KIAA1549: variants seen among roughly 807,000 people sequenced by gnomAD.
KIAA1549 encodes the protein UPF0606 protein KIAA1549.
A neutral mutation model predicts 156.4 loss-of-function variants in KIAA1549; 70 were observed. The observed-to-expected ratio is 0.45, with a 90% CI of 0.37 to 0.55. KIAA1549 has a LOEUF of 0.55. KIAA1549 is among the 20% of genes least tolerant of loss of function. KIAA1549 has a pLI of 0.00. For synonymous variants in KIAA1549, 1,103 were observed against 1,066.4 expected, an observed-to-expected ratio of 1.03 and a Z score of -0.67; for missense variants, 2,428 against 2,540.9, an observed-to-expected ratio of 0.96 and a Z score of 0.96.
chr7:138,946,683 G>A (rs1813346856), intron 1 of KIAA1549, among the ~76,000 whole-genome samples: 1 of 152,172 alleles, frequency 6.6e-6, no homozygotes, highest in Non-Finnish European at 1.5e-5. Flanking sequence ...GGAAGCTGAG[G>A]TGGGAGGATC....
At position 138,912,386 on chromosome 7, in the gene KIAA1549, C is replaced by T; in HGVS notation, c.2953G>A (p.Ala985Thr). The change falls in exon 3 of 20, where the codon GCA (alanine) becomes ACA (threonine). Residue 985 changes from alanine to threonine, a missense_variant. Ala to Thr is a moderately conservative substitution (Grantham distance 58). Around this residue, in one of 5 missense-constraint regions of KIAA1549, gnomAD observed 762 missense variants for 901.6 expected, o/e 0.85. Transcript: ENST00000422774. ...CCAGGACTCACCTTCAGTTCCACTG[C>T]ACGGTTGAAGTGAATCCTCAGTACT... ...KEVLRIHFNR[A>T]VELKVYELFT... 6.2e-7 allele frequency: 1 copy of T among 1,613,794 alleles called. No individual in the cohort carries two copies.
chr7:138,941,614 A>G (rs576412523), intron 1 of KIAA1549, among the ~76,000 whole-genome samples: 4 of 152,228 alleles, frequency 2.6e-5, no homozygotes, highest in Non-Finnish European at 5.9e-5. Flanking sequence ...GCGACAGAAG[A>G]ATCCTCCTCC....
At chr7:138,858,496 G>A (rs1209627029) in intron 16 of KIAA1549, among the ~76,000 whole-genome samples, 1 of 152,082 alleles carries the variant, frequency 6.6e-6, no homozygotes, top group Non-Finnish European at 1.5e-5. Flanking sequence ...ATTGAATGCT[G>A]CATATTTTTG....
At chr7:138,877,610 T>A (rs1349714924) in intron 12 of KIAA1549, among the ~76,000 whole-genome samples, 1 of 152,236 alleles carries the variant, frequency 6.6e-6, no homozygotes, top group Non-Finnish European at 1.5e-5. Context: ...CACAGCAGCA[T>A]TAAAGCTATC....
chr7:138,906,891 C>G lies in KIAA1549; in HGVS notation c.3460+28G>C. On this transcript the variant is annotated intron_variant, in intron 6 of 19. Coordinates refer to ENST00000422774, the MANE Select transcript of KIAA1549 (RefSeq NM_001164665.2). ...ACCAAAAATGCCCGCCATCACCTCC[C>G]CAGCATGTCCAAGAGGGCTGTACTC... is the stretch of plus-strand genomic sequence containing the variant. 3 of 1,416,578 alleles carry G rather than the reference C, an allele frequency of 2.1e-6. 1 individual carries two copies. The highest frequency in any genetic ancestry group is 2.8e-6 in the Non-Finnish European group (3 of 1,076,742). 87.8% of individuals were successfully genotyped at this position (1,416,578 alleles called of 1,614,324 possible). A position where few individuals can be genotyped will look rare whatever the true frequency, so the allele number is the denominator to read the frequency against.
chr7:138,966,498 C>T lies in KIAA1549; in HGVS notation c.187+14585G>A, dbSNP rs546927213. 8.5e-5 allele frequency among the ~76,000 whole-genome samples: 13 copies of T among 152,118 alleles called. No homozygotes were observed. The South Asian group carries it at 1.5e-3, about 17-fold the overall frequency. Reference sequence around the variant, plus strand: ...AAGCTGAGGAGTAAGGAAGCCAGTCCGAGTCCCAAATCTGAAGAACCTGAA... The same window carrying T: ...AAGCTGAGGAGTAAGGAAGCCAGTCTGAGTCCCAAATCTGAAGAACCTGAA... On this transcript the variant is annotated intron_variant, in intron 1 of 19. Transcript: ENST00000422774.
rs959707930 is a variant in KIAA1549, at chr7:138,912,393, G to A, written c.2946C>T (p.Phe982=). 3.7e-6 allele frequency: 6 copies of A among 1,613,648 alleles called. No homozygotes were observed. Among genetic ancestry groups the A allele is most frequent in the Non-Finnish European group, 5.1e-6 (6 of 1,179,710 alleles). The change falls in exon 3 of 20, where the codon TTC becomes TTT. Residue 982 remains phenylalanine (F), a synonymous_variant. Transcript: ENST00000422774. The stretch of plus-strand genomic sequence containing the variant: ...TCACCTTCAGTTCCACTGCACGGTT[G>A]AAGTGAATCCTCAGTACTTCTTTGA... ...TAIKEVLRIH[F]NRAVELKVYE...
intron 8 of KIAA1549, among the ~76,000 whole-genome samples, chr7:138,902,386 A>G (rs1055328624): frequency 2.0e-5 from 3 of 152,134 alleles, no homozygotes; most frequent in Non-Finnish European, 2.9e-5. Context: ...CTGCCAGCCA[A>G]CACCCCCTGC....
chr7:138,867,866 G>A (rs1810796363), intron 15 of KIAA1549, 109 bp downstream of exon 15: 5 of 1,223,296 alleles, frequency 4.1e-6, no homozygotes, highest in South Asian at 2.9e-5. Context: ...ATCAGGCACT[G>A]ATACCACACA....
intron 10 of KIAA1549, among the ~76,000 whole-genome samples, chr7:138,882,124 AC>A (rs1811262597): frequency 6.6e-6 from 1 of 152,214 alleles, no homozygotes; most frequent in South Asian, 2.1e-4. Context: ...AAACCAGAAA[AC>A]CACTAAACAT....
intron 11 of KIAA1549, among the ~76,000 whole-genome samples, 155 bp downstream of exon 11, chr7:138,881,233 T>C (rs1420179478): frequency 6.6e-6 from 1 of 152,194 alleles, no homozygotes; most frequent in Non-Finnish European, 1.5e-5. Context: ...GGAAACACTC[T>C]TGGGCTCCTG....
At position 138,918,286 on chromosome 7, in the gene KIAA1549, C is replaced by A; in HGVS notation, c.1340G>T (p.Gly447Val). 1 of 1,613,980 alleles carries A rather than the reference C, an allele frequency of 6.2e-7. No homozygotes were observed. The highest frequency in any genetic ancestry group is 8.5e-7 in the Non-Finnish European group (1 of 1,179,892). Residue 447 changes from glycine (G) to valine (V), a missense_variant, in exon 2 of 20, where the codon GGT becomes GTT. Gly to Val is a moderately radical substitution (Grantham distance 109). Coordinates refer to ENST00000422774, the MANE Select transcript of KIAA1549 (RefSeq NM_001164665.2). This position sits in a 1 kb window ranked among gnomAD's most constrained non-coding sequence, Gnocchi z 4.2. ...LMEKDVGSGD[G>V]AETLCMTVLE... The stretch of plus-strand genomic sequence containing the variant: ...CACGGTCATGCACAGAGTCTCGGCA[C>A]CATCCCCTGATCCCACGTCTTTCTC...
Position 138,912,876 on chromosome 7 carries a change from C to T in KIAA1549, c.2879-416G>A, listed in dbSNP as rs577980434. On this transcript the variant is annotated intron_variant, in intron 2 of 19. Transcript: ENST00000422774. ...AGGCTTTAAAAGCTCTCAGAAGGAA[C>T]ATTTTTCTTTTCTTTTCTTTTTGAG... is the stretch of plus-strand genomic sequence containing the variant. 9.2e-4 allele frequency among the ~76,000 whole-genome samples: 140 copies of T among 152,174 alleles called. 1 individual carries two copies. The highest frequency in any genetic ancestry group is 3.2e-3 in the African/African-American group (131 of 41,524).
intron 1 of KIAA1549, among the ~76,000 whole-genome samples, chr7:138,979,077 C>G (rs915503928): frequency 1.3e-5 from 2 of 152,224 alleles, no homozygotes; most frequent in African/African-American, 4.8e-5. Flanking sequence ...TCCTGGAGCA[C>G]AGGGGCTGTG....
intron 10 of KIAA1549, among the ~76,000 whole-genome samples, chr7:138,887,878 G>A (rs1235629421): frequency 6.6e-6 from 1 of 152,204 alleles, no homozygotes; most frequent in Non-Finnish European, 1.5e-5. Context: ...AGCAGCAGCA[G>A]CAGTGAGGTT....
chr7:138,916,654 C>T, intron 2 of KIAA1549, 94 bp downstream of exon 2: 1 of 1,536,782 alleles, frequency 6.5e-7, no homozygotes, highest in Admixed American at 2.0e-5. Flanking sequence ...CGCCTCTGCT[C>T]TTAACCATGA....
intron 11 of KIAA1549, among the ~76,000 whole-genome samples, 159 bp downstream of exon 11, chr7:138,881,229 A>G (rs1309897618): frequency 6.6e-6 from 1 of 151,720 alleles, no homozygotes; most frequent in African/African-American, 2.4e-5. Flanking sequence ...GCTCGGAAAC[A>G]CTCTTGGGCT....
chr7:138,903,850 T>TGCGC (rs1811926240), intron 7 of KIAA1549, 114 bp from the exon 8 acceptor site: 4 of 367,030 alleles, frequency 1.1e-5, no homozygotes, highest in Admixed American at 1.3e-4. Flanking sequence ...TGTGTGTGTG[T>TGCGC]GTGCGCGCGC....
chr7:138,936,080 T>C (rs1223356277), intron 1 of KIAA1549, among the ~76,000 whole-genome samples: 3 of 152,156 alleles, frequency 2.0e-5, no homozygotes, highest in Admixed American at 2.0e-4. Flanking sequence ...TAGTGCTCCA[T>C]CATACACACA....
Sources: allele counts gnomAD v4.1 joint callset (sites outside exome capture counted in the v4.1 genomes callset), GRCh38; gene constraint gnomAD v4.1.1; regional missense constraint gnomAD v4.1.1; non-coding constraint Gnocchi (gnomAD v3.1); transcripts MANE v1.5; gene names NCBI Gene and HGNC (gene_info 2026-07-23, HGNC 2026-07-21).